PREX1: variants seen among roughly 807,000 people sequenced by gnomAD.
PREX1 encodes the protein phosphatidylinositol 3,4,5-trisphosphate-dependent Rac exchanger 1 protein.
A neutral mutation model predicts 198.3 loss-of-function variants in PREX1; 41 were observed. The observed-to-expected ratio is 0.21, with a 90% CI of 0.16 to 0.27. The LOEUF (loss-of-function observed/expected upper bound fraction) is 0.27. Among genes scored for constraint, PREX1 ranks in the 10% least tolerant of loss-of-function variants. PREX1 has a pLI of 1.00. For missense variants in PREX1, 1,620 were observed against 2,200.7 expected, an observed-to-expected ratio of 0.74 and a Z score of 5.28; for synonymous variants, 843 against 887.2, an observed-to-expected ratio of 0.95 and a Z score of 0.89.
At chr20:48,688,633 G>T (rs1265038819) in intron 10 of PREX1, 24 bp downstream of exon 10, 1 of 1,613,840 alleles carries the variant, frequency 6.2e-7, no homozygotes, top group East Asian at 2.2e-5. Context: ...AGGGACCCAG[G>T]GAGTTCAGAG....
chr20:48,810,929 G>A (rs1436633768), intron 1 of PREX1, among the ~76,000 whole-genome samples: 1 of 152,082 alleles, frequency 6.6e-6, no homozygotes, highest in African/African-American at 2.4e-5. Context: ...AGCAGGGCAA[G>A]TGCCATAATA....
At chr20:48,759,212 C>T (rs1186697638) in intron 1 of PREX1, among the ~76,000 whole-genome samples, 3 of 152,002 alleles carry the variant, frequency 2.0e-5, no homozygotes, top group Admixed American at 2.0e-4. Flanking sequence ...GGATGGGGAC[C>T]ATAAAACTAC....
intron 7 of PREX1, among the ~76,000 whole-genome samples, chr20:48,693,169 G>A (rs1284287616): frequency 1.3e-5 from 2 of 149,228 alleles, no homozygotes; most frequent in South Asian, 2.1e-4. Flanking sequence ...ATGGAAGGAG[G>A]GCTTGGAACT....
At chr20:48,699,598 C>G (rs544825869) in intron 7 of PREX1, among the ~76,000 whole-genome samples, 9 of 152,230 alleles carry the variant, frequency 5.9e-5, no homozygotes, top group Non-Finnish European at 1.5e-5. Context: ...AGAGCCCAAC[C>G]ACTTCGGCAA....
intron 33 of PREX1, among the ~76,000 whole-genome samples, chr20:48,633,753 C>A (rs1049400235): frequency 2.6e-5 from 4 of 152,282 alleles, no homozygotes; most frequent in African/African-American, 9.6e-5. Context: ...GCACCCAGAC[C>A]CCACCCCACA....
chr20:48,626,201 T>C (rs6019322), intron 39 of PREX1, among the ~76,000 whole-genome samples: 85,953 of 151,982 alleles, frequency 0.57, 25,939 homozygotes, highest in African/African-American at 0.79. Flanking sequence ...GGGGGTGGGG[T>C]GCACATTCCA....
the PREX1 span, among the ~76,000 whole-genome samples, chr20:48,887,962 T>A: frequency 1.4e-5 from 2 of 145,362 alleles, no homozygotes; most frequent in Non-Finnish European, 3.1e-5. Context: ...AAAAATAAAT[T>A]AAATAAATAA....
chr20:48,726,673 G>C (rs561296455), intron 4 of PREX1, among the ~76,000 whole-genome samples: 15 of 152,120 alleles, frequency 9.9e-5, no homozygotes, highest in African/African-American at 3.6e-4. Flanking sequence ...TGAGTTGTTG[G>C]GGAAAAAAAG....
At chr20:48,869,486 C>CG in the PREX1 span, among the ~76,000 whole-genome samples, 1 of 147,954 alleles carries the variant, frequency 6.8e-6, no homozygotes, top group African/African-American at 2.7e-5. Flanking sequence ...TTTGATTTAA[C>CG]CCACCCCCAT....
chr20:48,831,255 C>G (rs1224428948), upstream of PREX1, among the ~76,000 whole-genome samples: 8 of 152,234 alleles, frequency 5.3e-5, no homozygotes, highest in Non-Finnish European at 7.3e-5. Context: ...CAGGTCAGCA[C>G]TAGAAGCCAT....
At chr20:48,744,724 GCAGAGGGGCCCCGC>G (rs1358663202) in intron 3 of PREX1, among the ~76,000 whole-genome samples, 1 of 152,212 alleles carries the variant, frequency 6.6e-6, no homozygotes, top group Non-Finnish European at 1.5e-5. Context: ...GGTCACTGTG[GCAGAGGGGCCCCGC>G]CAGGCCAGGA....
At chr20:48,882,974 C>T in the PREX1 span, among the ~76,000 whole-genome samples, 1 of 149,774 alleles carries the variant, frequency 6.7e-6, no homozygotes, top group Non-Finnish European at 1.5e-5. Flanking sequence ...CTCTGTCACC[C>T]AGGCTGAAGC....
At chr20:48,765,539 G>C (rs1471617930) in intron 1 of PREX1, among the ~76,000 whole-genome samples, 1 of 152,208 alleles carries the variant, frequency 6.6e-6, no homozygotes, top group Non-Finnish European at 1.5e-5. Context: ...CTTACTGCAT[G>C]CCAATGCCAG....
chr20:48,883,867 G>T, the PREX1 span, among the ~76,000 whole-genome samples: 55,821 of 151,736 alleles, frequency 0.37, 10,511 homozygotes, highest in Middle Eastern at 0.4. Flanking sequence ...GGGGCCGGGC[G>T]CAGTGGCTCA....
At chr20:48,873,402 A>G in the PREX1 span, among the ~76,000 whole-genome samples, 25 of 152,080 alleles carry the variant, frequency 1.6e-4, no homozygotes, top group Admixed American at 1.3e-4. Flanking sequence ...ACAGGAGTGC[A>G]GTCTTATTAA....
At chr20:48,667,239 T>C (rs1052015821) in intron 14 of PREX1, among the ~76,000 whole-genome samples, 6 of 152,358 alleles carry the variant, frequency 3.9e-5, no homozygotes, top group Admixed American at 2.0e-4. Flanking sequence ...CCAGCAGCTC[T>C]GAACCACCCA....
intron 1 of PREX1, among the ~76,000 whole-genome samples, chr20:48,793,230 C>T (rs1193508428): frequency 2.0e-5 from 3 of 152,128 alleles, no homozygotes; most frequent in Admixed American, 2.0e-4. Flanking sequence ...TACATACATA[C>T]ATAAATAAGT....
At chr20:48,777,688 C>G (rs563453779) in intron 1 of PREX1, among the ~76,000 whole-genome samples, 1 of 152,114 alleles carries the variant, frequency 6.6e-6, no homozygotes, top group Non-Finnish European at 1.5e-5. Context: ...GGCTTGGGGC[C>G]GGCAGCTGTA....
chr20:48,656,409 G>T (rs1042927295), intron 18 of PREX1: 6 of 331,452 alleles, frequency 1.8e-5, no homozygotes, highest in Non-Finnish European at 3.5e-5. Context: ...ATGGGTCCTT[G>T]CCAGGGGCCT....
Sources: gnomAD v4.1 joint callset for allele counts (sites outside exome capture counted in the v4.1 genomes callset) on GRCh38, gnomAD v4.1.1 for gene constraint, MANE v1.5 for transcripts, NCBI Gene and HGNC (gene_info 2026-07-23, HGNC 2026-07-21) for gene names.